The following IL1RAPL2 variants were observed in gnomAD, a reference collection of about 807,000 sequenced individuals.
IL1RAPL2 encodes interleukin 1 receptor accessory protein like 2.
IL1RAPL2 carries 3 observed loss-of-function variants against 44.1 expected under a neutral mutation model. That is an observed-to-expected ratio of 0.07 (90% CI 0.03 to 0.18). IL1RAPL2 has a LOEUF of 0.18. Among genes scored for constraint, IL1RAPL2 ranks in the 10% least tolerant of loss-of-function variants. The pLI, the probability that IL1RAPL2 is intolerant of heterozygous loss-of-function variation, is 1.00. For missense variants in IL1RAPL2, 391 were observed against 496.4 expected, an observed-to-expected ratio of 0.79 and a Z score of 2.02; for synonymous variants, 181 against 178.8, an observed-to-expected ratio of 1.01 and a Z score of -0.10.
chrX:105,257,250 A>G (rs111350780), intron 4 of IL1RAPL2, among the ~76,000 whole-genome samples: 4,462 of 111,758 alleles, frequency 0.04, 209 homozygotes, highest in African/African-American at 0.14. Context: ...CATGGTTTTA[A>G]GTGATTTTTC....
chrX:104,858,396 T>C (rs1266696460), intron 2 of IL1RAPL2, among the ~76,000 whole-genome samples: 3 of 111,962 alleles, frequency 2.7e-5, no homozygotes, highest in Non-Finnish European at 3.8e-5. Flanking sequence ...GCTATTGGTA[T>C]GAACTTCACT....
At chrX:105,320,469 A>C (rs2034888796) in intron 5 of IL1RAPL2, among the ~76,000 whole-genome samples, 2 of 111,848 alleles carry the variant, frequency 1.8e-5, no homozygotes, top group Non-Finnish European at 3.8e-5. Context: ...TAACACTCAC[A>C]GAAAAGTGGG....
chrX:105,267,480 C>T lies in IL1RAPL2; in HGVS notation c.636C>T (p.Tyr212=), dbSNP rs776623466. Residue 212 remains tyrosine, a synonymous_variant, in exon 5 of 11, where the codon TAC becomes TAT. Transcript: ENST00000372582. ...QEVQEEDGGN[Y]TCELKYEGKL... ...TTCAAGAAGAAGATGGAGGAAATTA[C>T]ACATGTGAACTTAAATATGAAGGAA... 1 of 1,193,936 alleles carries T rather than the reference C, an allele frequency of 8.4e-7. No individual in the cohort carries two copies. Among genetic ancestry groups the T allele is most frequent in the Non-Finnish European group, 1.1e-6 (1 of 882,963 alleles).
At chrX:105,556,030 GC>G (rs1334696513) in intron 6 of IL1RAPL2, among the ~76,000 whole-genome samples, 1 of 111,346 alleles carries the variant, frequency 9.0e-6, no homozygotes, top group Non-Finnish European at 1.9e-5. Flanking sequence ...GATTAAACAG[GC>G]CAAGATTATG....
At chrX:105,656,858 G>A (rs2037680870) in intron 6 of IL1RAPL2, among the ~76,000 whole-genome samples, 1 of 112,301 alleles carries the variant, frequency 8.9e-6, no homozygotes, top group Admixed American at 9.4e-5. Context: ...TCTAAAGAAA[G>A]CAATAACTCA....
At chrX:105,018,172 T>C (rs2031219690) in intron 2 of IL1RAPL2, among the ~76,000 whole-genome samples, 1 of 111,620 alleles carries the variant, frequency 9.0e-6, no homozygotes, top group African/African-American at 3.2e-5. Flanking sequence ...TCTTCATAGA[T>C]TGGTCTTTCA....
chrX:104,844,291 A>C (rs2147637345), intron 2 of IL1RAPL2, among the ~76,000 whole-genome samples: 1 of 111,661 alleles, frequency 9.0e-6, no homozygotes, highest in African/African-American at 3.3e-5. Flanking sequence ...AACCTAGGAT[A>C]ATCAATTAGG....
Position 105,762,374 on chromosome X carries a change from A to G in IL1RAPL2, c.1364-4590A>G, listed in dbSNP as rs2038694638. ...TTTTTTTCATTTCTCTAATAAGTAC[A>G]TATCCCAAGGAGAGTCTAGTGGCAA... On this transcript the variant is annotated intron_variant, in intron 10 of 10. Transcript: ENST00000372582. 3.6e-5 allele frequency among the ~76,000 whole-genome samples: 4 copies of G among 111,681 alleles called. No homozygotes were observed. The Admixed American group carries it at 3.8e-4, about 11-fold the overall frequency.
chrX:104,712,665 C>T (rs1157473618), intron 2 of IL1RAPL2, among the ~76,000 whole-genome samples: 5 of 110,456 alleles, frequency 4.5e-5, no homozygotes, highest in Admixed American at 9.7e-5. Context: ...TCTCACTGAA[C>T]GAACATTTAA....
At chrX:104,769,400 G>A (rs1206097717) in intron 2 of IL1RAPL2, among the ~76,000 whole-genome samples, 1 of 111,783 alleles carries the variant, frequency 8.9e-6, no homozygotes, top group East Asian at 2.8e-4. Context: ...CACTTAATAA[G>A]ACAAGGAAGA....
At chrX:105,657,826 G>A (rs960920845) in intron 6 of IL1RAPL2, among the ~76,000 whole-genome samples, 14 of 110,481 alleles carry the variant, frequency 1.3e-4, no homozygotes, top group South Asian at 4.0e-4. Context: ...TGTTGGCCAG[G>A]CTGGTCTTGA....
intron 2 of IL1RAPL2, among the ~76,000 whole-genome samples, chrX:105,011,265 C>T (rs2031042769): frequency 9.3e-6 from 1 of 107,234 alleles, no homozygotes; most frequent in Non-Finnish European, 1.9e-5. Flanking sequence ...ATTTAATTCT[C>T]AATATTTATT....
At chrX:104,744,575 C>A (rs761168627) in intron 2 of IL1RAPL2, among the ~76,000 whole-genome samples, 13 of 111,317 alleles carry the variant, frequency 1.2e-4, no homozygotes, top group African/African-American at 4.2e-4. Context: ...ATTCACTCAA[C>A]AAATATTTAT....
chrX:105,148,325 A>T (rs773632099), intron 2 of IL1RAPL2, among the ~76,000 whole-genome samples: 30 of 111,809 alleles, frequency 2.7e-4, no homozygotes, highest in Non-Finnish European at 4.7e-4. Flanking sequence ...GTAATGTCGT[A>T]ACTTTCATTT....
Position 105,233,962 on chromosome X carries a change from CT to C in IL1RAPL2, c.504del (p.Phe168LeufsTer24). On this transcript the variant is annotated frameshift_variant, in exon 4 of 11. Transcript: ENST00000372582. LOFTEE classifies it high-confidence loss of function. ...AGATCTCCTGTCCAGACATGGATGA[CT>C]TTAAAAAGTCCGATCAGGAGCCTGA... ...KEISCPDMDD[F>X]KKSDQEPDVV... 1 of 1,209,946 alleles carries C rather than the reference CT, an allele frequency of 8.3e-7. No homozygotes were observed.
chrX:105,359,586 A>G (rs1468343659), intron 5 of IL1RAPL2, among the ~76,000 whole-genome samples: 1 of 111,091 alleles, frequency 9.0e-6, no homozygotes, highest in African/African-American at 3.3e-5. Flanking sequence ...TCCTAGCTCT[A>G]AAGACTCTGC....
At chrX:105,659,473 C>T (rs992188830) in intron 6 of IL1RAPL2, among the ~76,000 whole-genome samples, 16 of 108,766 alleles carry the variant, frequency 1.5e-4, no homozygotes, top group African/African-American at 4.0e-4. Context: ...CTGGCTAAAA[C>T]GGTGAAACCC....
intron 2 of IL1RAPL2, among the ~76,000 whole-genome samples, chrX:104,782,418 G>A (rs1482095140): frequency 9.0e-6 from 1 of 111,496 alleles, no homozygotes; most frequent in African/African-American, 3.3e-5. Context: ...AGGGATGGAA[G>A]CTTTAAATAG....
intron 6 of IL1RAPL2, among the ~76,000 whole-genome samples, chrX:105,607,955 T>C (rs907838268): frequency 9.0e-6 from 1 of 110,745 alleles, no homozygotes; most frequent in Non-Finnish European, 1.9e-5. Flanking sequence ...AGTGTGAAGA[T>C]GGTATAAAGA....
Sources: allele counts gnomAD v4.1 joint callset (sites outside exome capture counted in the v4.1 genomes callset), GRCh38; gene constraint gnomAD v4.1.1; transcripts MANE v1.5; gene names NCBI Gene and HGNC (gene_info 2026-07-23, HGNC 2026-07-21).